ERO1A: variants seen among roughly 807,000 people sequenced by gnomAD.
ERO1A encodes the protein ERO1-like protein alpha.
Under a neutral mutation model 76.9 loss-of-function variants are expected in ERO1A, and 49 were observed. The observed-to-expected ratio is 0.64, with a 90% confidence interval of 0.51 to 0.81. The LOEUF is 0.81. Among genes scored for constraint, ERO1A ranks in the 30% least tolerant of loss-of-function variants. The pLI is 0.00. For synonymous variants in ERO1A, 174 were observed against 181.2 expected (o/e 0.96, Z 0.32); for missense variants, 448 against 542.1 (o/e 0.83, Z 1.72).
chr14:52,658,283 C>T (rs2040118267), intron 9 of ERO1A, 133 bp from the exon 10 acceptor site: 1 of 635,030 alleles, frequency 1.6e-6, no homozygotes, highest in African/African-American at 1.9e-5. Context: ...CGGTCCAAGT[C>T]TTAATTGCAA....
chr14:52,694,506 A>C (rs2041477363), intron 1 of ERO1A, among the ~76,000 whole-genome samples: 2 of 152,236 alleles, frequency 1.3e-5, no homozygotes, highest in African/African-American at 2.4e-5. Flanking sequence ...AGCAAAATCC[A>C]CTTAGGAATA....
chr14:52,691,596 G>C (rs2041356320), intron 1 of ERO1A, among the ~76,000 whole-genome samples: 1 of 152,142 alleles, frequency 6.6e-6, no homozygotes, highest in African/African-American at 2.4e-5. Context: ...TAAAACCATT[G>C]TTTCAACTGA....
chr14:52,646,418 T>C lies in ERO1A; in HGVS notation c.1169A>G (p.Asp390Gly), dbSNP rs768461835. Reference sequence around the variant, plus strand: ...ACGACATTTAAAACAACCAACACAATCCATAATTCTTGAAATATTTCTAAA... The same window carrying C: ...ACGACATTTAAAACAACCAACACAACCCATAATTCTTGAAATATTTCTAAA... The part of the protein sequence containing the change: ...LHFRNISRIM[D>G]CVGCFKCRLW... The change falls in exon 14 of 16, where the codon GAT (aspartate) becomes GGT (glycine). Residue 390 changes from aspartate to glycine, a missense_variant. This residue lies in a region of ERO1A where 302 missense variants were observed against 411.9 expected (regional missense o/e 0.73). Transcript: ENST00000395686. 79 of 1,612,628 alleles carry C rather than the reference T, an allele frequency of 4.9e-5. No individual in the cohort carries two copies. The highest frequency in any genetic ancestry group is 6.5e-5 in the Non-Finnish European group (77 of 1,179,670).
At chr14:52,648,460 TAG>T (rs2039745472) in intron 13 of ERO1A, among the ~76,000 whole-genome samples, 1 of 152,194 alleles carries the variant, frequency 6.6e-6, no homozygotes, top group South Asian at 2.1e-4. Flanking sequence ...AGAATCCACA[TAG>T]AGACAAGACT....
At chr14:52,672,787 AAAAAAAC>A (rs1167296816) in intron 4 of ERO1A, among the ~76,000 whole-genome samples, 163 of 150,940 alleles carry the variant, frequency 1.1e-3, no homozygotes, top group African/African-American at 3.9e-3. Context: ...AAAAAAAAAA[AAAAAAAC>A]AAAAAACAAA....
intron 11 of ERO1A, among the ~76,000 whole-genome samples, chr14:52,657,066 G>C (rs975977362): frequency 6.6e-6 from 1 of 152,184 alleles, no homozygotes; most frequent in African/African-American, 2.4e-5. Flanking sequence ...ACCCACCAGG[G>C]TGCCATGTCA....
Position 52,666,366 on chromosome 14 carries a change from G to T in ERO1A, c.629+9C>A. The stretch of plus-strand genomic sequence containing the variant: ...TATAGGAATTTTTCTAAATGAAAAT[G>T]ACACATACTTAAAACAGTTTTCTTC... On this transcript the variant is annotated intron_variant, in intron 7 of 15. Transcript: ENST00000395686. 1 of 1,575,062 alleles carries T rather than the reference G, an allele frequency of 6.3e-7. No homozygotes were observed. The highest frequency in any genetic ancestry group is 8.6e-7 in the Non-Finnish European group (1 of 1,162,672).
chr14:52,661,454 G>C, intron 8 of ERO1A, 150 bp from the exon 9 acceptor site: 2 of 476,918 alleles, frequency 4.2e-6, no homozygotes, highest in Non-Finnish European at 7.2e-6. Context: ...TGAGACATTC[G>C]TGACTGCAAC....
rs1303289004 is a variant in ERO1A at position 52,663,850 on chromosome 14, A to G, written c.630-3T>C. On this transcript the variant is annotated splice_region_variant and splice_polypyrimidine_tract_variant and intron_variant, in intron 7 of 15. Transcript: ENST00000395686. ...AAGGTCTTTTAATTGTCTGTGGCCTAGAAGTAAAAAGAATTAAAAATATCA... is the reference window on the plus strand; with the variant it reads ...AAGGTCTTTTAATTGTCTGTGGCCTGGAAGTAAAAAGAATTAAAAATATCA... 1 of 1,519,054 alleles carries G rather than the reference A, an allele frequency of 6.6e-7. No homozygotes were observed. The highest frequency in any genetic ancestry group is 1.2e-5 in the South Asian group (1 of 86,294). The allele number at this position is 1,519,054 out of a possible 1,614,324, so 94.1% of individuals were successfully genotyped here.
intron 7 of ERO1A, among the ~76,000 whole-genome samples, chr14:52,664,943 G>C (rs2040358965): frequency 6.6e-6 from 1 of 151,916 alleles, no homozygotes; most frequent in African/African-American, 2.4e-5. Flanking sequence ...CGCCCGCCTT[G>C]GCCTCCCATT....
intron 1 of ERO1A, among the ~76,000 whole-genome samples, chr14:52,691,145 T>A (rs2041340969): frequency 6.6e-6 from 1 of 152,226 alleles, no homozygotes; most frequent in African/African-American, 2.4e-5. Flanking sequence ...TGTGCTTTAT[T>A]TGGCAAAGAA....
intron 1 of ERO1A, among the ~76,000 whole-genome samples, chr14:52,693,121 CT>C (rs987831197): frequency 7.0e-6 from 1 of 142,054 alleles, no homozygotes; most frequent in Non-Finnish European, 1.5e-5. Context: ...CCTCAATTTA[CT>C]TTTTTATTAT....
At chr14:52,665,038 AC>A (rs1276728084) in intron 7 of ERO1A, among the ~76,000 whole-genome samples, 1 of 150,346 alleles carries the variant, frequency 6.7e-6, no homozygotes, top group East Asian at 2.0e-4. Context: ...ATGGTGGCTC[AC>A]CCCTGTAATC....
intron 4 of ERO1A, 33 bp from the exon 5 acceptor site, chr14:52,671,904 C>T (rs561733579): frequency 2.2e-6 from 3 of 1,339,612 alleles, no homozygotes; most frequent in Non-Finnish European, 3.1e-6. Flanking sequence ...TAGATAATAA[C>T]TTATTGCATT....
chr14:52,692,870 A>C (rs1045316631), intron 1 of ERO1A, among the ~76,000 whole-genome samples: 4 of 149,610 alleles, frequency 2.7e-5, no homozygotes, highest in Admixed American at 2.0e-4. Flanking sequence ...GCTTGCCTCT[A>C]ATTTTCTCTG....
In ERO1A at chr14:52,688,002, A is replaced by T. The variant is rs557443143; in HGVS notation, c.115-4095T>A. 1.2e-4 allele frequency among the ~76,000 whole-genome samples: 19 copies of T among 152,256 alleles called. No individual in the cohort carries two copies. In the South Asian group the frequency reaches 3.9e-3, roughly 32 times the overall value. On this transcript the variant is annotated intron_variant, in intron 1 of 15. Transcript: ENST00000395686. ...GGAATTTGACACCAACCTGGGCAAC[A>T]CAGTGAGGCCCTATCTCTACAAAAA...
At chr14:52,656,960 G>T (rs560592127) in intron 11 of ERO1A, among the ~76,000 whole-genome samples, 2 of 152,226 alleles carry the variant, frequency 1.3e-5, no homozygotes, top group South Asian at 4.2e-4. Flanking sequence ...GAGGTAGAAG[G>T]TAGGACTTGG....
At chr14:52,691,640 A>C (rs1005987005) in intron 1 of ERO1A, among the ~76,000 whole-genome samples, 2 of 152,210 alleles carry the variant, frequency 1.3e-5, no homozygotes, top group Non-Finnish European at 2.9e-5. Flanking sequence ...AAATCTACTA[A>C]ATGCGCTCCA....
chr14:52,663,878 A>G lies in ERO1A; in HGVS notation c.630-31T>C. The G allele has an allele frequency of 4.8e-6, 6 of 1,251,926 alleles. No individual in the cohort carries two copies. The South Asian group carries it at 7.6e-5, about 16-fold the overall frequency. The allele number at this position is 1,251,926 out of a possible 1,614,324, so 77.6% of individuals were successfully genotyped here. On this transcript the variant is annotated intron_variant, in intron 7 of 15. Transcript: ENST00000395686. ...AGTAAAAAGAATTAAAAATATCAAC[A>G]CAAATATGTTACCAATCATGTTATA...
Sources: allele counts gnomAD v4.1 joint callset (sites outside exome capture counted in the v4.1 genomes callset), GRCh38; gene constraint gnomAD v4.1.1; regional missense constraint gnomAD v4.1.1; transcripts MANE v1.5; gene names NCBI Gene and HGNC (gene_info 2026-07-23, HGNC 2026-07-21).